The following PTPRT variants were observed in gnomAD, a reference collection of about 807,000 sequenced individuals.
PTPRT encodes the protein protein tyrosine phosphatase receptor type T, also known as receptor-type tyrosine-protein phosphatase T.
A neutral mutation model predicts 176.8 loss-of-function variants in PTPRT; 56 were observed. The ratio of observed to expected loss-of-function variants is 0.32; its 90% CI spans 0.26 to 0.40. The LOEUF (loss-of-function observed/expected upper bound fraction) is 0.40, where lower values mean the gene tolerates loss of function less well. Among genes scored for constraint, PTPRT ranks in the 10% least tolerant of loss-of-function variants. The pLI is 1.00. For synonymous variants in PTPRT, 783 were observed against 739.0 expected, an observed-to-expected ratio of 1.06 and a Z score of -0.96; for missense variants, 1,540 against 1,908.2, an observed-to-expected ratio of 0.81 and a Z score of 3.60.
chr20:42,525,541 T>C (rs1335718944), intron 7 of PTPRT, among the ~76,000 whole-genome samples: 1 of 152,198 alleles, frequency 6.6e-6, no homozygotes, highest in Admixed American at 6.5e-5. Context: ...TTCACAAGCA[T>C]AGTCATTCAC....
chr20:42,776,068 C>A (rs991295248), intron 4 of PTPRT, among the ~76,000 whole-genome samples: 1 of 152,176 alleles, frequency 6.6e-6, no homozygotes, highest in Non-Finnish European at 1.5e-5. Flanking sequence ...CTGCTCAGTT[C>A]TTCCCAGGCT....
intron 3 of PTPRT, among the ~76,000 whole-genome samples, chr20:42,787,933 A>T (rs2077315783): frequency 6.6e-6 from 1 of 152,182 alleles, no homozygotes; most frequent in Non-Finnish European, 1.5e-5. Context: ...ATGCCAATAT[A>T]TTACTAATAT....
intron 6 of PTPRT, among the ~76,000 whole-genome samples, chr20:42,682,735 G>T (rs4812616): frequency 0.16 from 23,653 of 152,040 alleles, 2,879 homozygotes; most frequent in African/African-American, 0.34. Context: ...GACCTGGGCA[G>T]CAGCGGCCCT....
intron 6 of PTPRT, among the ~76,000 whole-genome samples, chr20:42,722,234 AT>A (rs990506445): frequency 7.2e-5 from 11 of 152,072 alleles, no homozygotes; most frequent in African/African-American, 2.4e-4. Context: ...AGAATTCTGC[AT>A]TTCAAACTCC....
At chr20:42,663,318 A>C (rs116692989) in intron 7 of PTPRT, among the ~76,000 whole-genome samples, 1 of 152,134 alleles carries the variant, frequency 6.6e-6, no homozygotes, top group East Asian at 1.9e-4. Flanking sequence ...AGAGGTGAAA[A>C]TTTCTTGCCT....
At chr20:43,144,991 T>A (rs558081235) in intron 1 of PTPRT, among the ~76,000 whole-genome samples, 1 of 152,328 alleles carries the variant, frequency 6.6e-6, no homozygotes, top group East Asian at 1.9e-4. Flanking sequence ...GGGCATTTTG[T>A]TCCCACAACA....
chr20:42,614,860 T>G (rs1393833430), intron 7 of PTPRT, among the ~76,000 whole-genome samples: 1 of 151,522 alleles, frequency 6.6e-6, no homozygotes, highest in Non-Finnish European at 1.5e-5. Flanking sequence ...CTTACGTGGA[T>G]AGGTGGTCTC....
intron 2 of PTPRT, among the ~76,000 whole-genome samples, chr20:42,847,811 C>T (rs1306264872): frequency 2.0e-5 from 3 of 152,182 alleles, no homozygotes; most frequent in Non-Finnish European, 4.4e-5. Flanking sequence ...GTGATGTTTC[C>T]ATCCTGTTAG....
chr20:43,094,760 AT>A (rs2012056984), intron 1 of PTPRT, among the ~76,000 whole-genome samples: 1 of 152,116 alleles, frequency 6.6e-6, no homozygotes, highest in Non-Finnish European at 1.5e-5. Flanking sequence ...CGGGAGCTCT[AT>A]AGGGCCTCAT....
chr20:42,036,201 T>C, the PTPRT span, among the ~76,000 whole-genome samples: 1 of 152,192 alleles, frequency 6.6e-6, no homozygotes, highest in Non-Finnish European at 1.5e-5. Context: ...CCCAGCATTG[T>C]CCTGTGGCCA....
chr20:43,102,814 T>A (rs922276273), intron 1 of PTPRT, among the ~76,000 whole-genome samples: 36 of 152,130 alleles, frequency 2.4e-4, no homozygotes, highest in African/African-American at 8.5e-4. Context: ...ACAATCCCTC[T>A]CTCCAGCTGT....
intron 12 of PTPRT, among the ~76,000 whole-genome samples, chr20:42,306,471 C>T (rs552802301): frequency 2.0e-5 from 3 of 152,104 alleles, no homozygotes; most frequent in Non-Finnish European, 4.4e-5. Flanking sequence ...GGATGTTTAC[C>T]CGATTGAGAT....
intron 7 of PTPRT, among the ~76,000 whole-genome samples, chr20:42,629,323 A>T (rs1157650207): frequency 6.6e-6 from 1 of 152,168 alleles, no homozygotes; most frequent in Non-Finnish European, 1.5e-5. Flanking sequence ...ATGGAACTAT[A>T]GTTGTCAAAG....
chr20:42,252,342 T>C (rs2056562166), intron 13 of PTPRT, among the ~76,000 whole-genome samples: 1 of 152,142 alleles, frequency 6.6e-6, no homozygotes, highest in South Asian at 2.1e-4. Flanking sequence ...CAAAAATGTG[T>C]GAGTCATATG....
At chr20:43,155,843 A>AT (rs1006643275) in intron 1 of PTPRT, among the ~76,000 whole-genome samples, 2 of 152,184 alleles carry the variant, frequency 1.3e-5, no homozygotes, top group Admixed American at 6.5e-5. Context: ...ATTAAAATAA[A>AT]TTTTTTTAAT....
intron 6 of PTPRT, among the ~76,000 whole-genome samples, chr20:42,699,301 G>A (rs1569093790): frequency 6.6e-6 from 1 of 152,126 alleles, no homozygotes. Flanking sequence ...TGCACCTGCT[G>A]AAATAGTTTC....
chr20:42,840,245 T>C (rs1296724946), intron 2 of PTPRT, among the ~76,000 whole-genome samples: 1 of 152,176 alleles, frequency 6.6e-6, no homozygotes, highest in East Asian at 1.9e-4. Context: ...CATGTGTGTC[T>C]GTGTCATCTC....
At chr20:42,754,911 C>T (rs183569785) in intron 6 of PTPRT, among the ~76,000 whole-genome samples, 1 of 152,268 alleles carries the variant, frequency 6.6e-6, no homozygotes, top group Admixed American at 6.5e-5. Context: ...AAACTGAGAA[C>T]CAGTGCCAGG....
chr20:42,412,347 C>A (rs912401466), intron 9 of PTPRT, among the ~76,000 whole-genome samples: 2 of 152,138 alleles, frequency 1.3e-5, no homozygotes, highest in Non-Finnish European at 2.9e-5. Context: ...CAAATTAAAA[C>A]CACTATGAGC....
Sources: allele counts gnomAD v4.1 joint callset (sites outside exome capture counted in the v4.1 genomes callset), GRCh38; gene constraint gnomAD v4.1.1; transcripts MANE v1.5; gene names NCBI Gene and HGNC (gene_info 2026-07-23, HGNC 2026-07-21).